Variants in PHC2 observed in about 807,000 individuals in gnomAD.
The protein encoded by PHC2 is polyhomeotic homolog 2.
Under a neutral mutation model 87.4 loss-of-function variants are expected in PHC2, and 29 were observed. The observed-to-expected ratio is 0.33, with a 90% CI of 0.25 to 0.45. The LOEUF (loss-of-function observed/expected upper bound fraction) is 0.45. Among genes scored for constraint, PHC2 ranks in the 20% least tolerant of loss-of-function variants. The pLI, the probability that PHC2 is intolerant of heterozygous loss-of-function variation, is 1.00. For missense variants in PHC2, 857 were observed against 1,136.7 expected (o/e 0.75, Z 3.54); for synonymous variants, 438 against 461.7 (o/e 0.95, Z 0.66).
At chr1:33,354,715 T>C (rs541203676) in intron 8 of PHC2, 123 bp downstream of exon 8, 2 of 1,340,716 alleles carry the variant, frequency 1.5e-6, no homozygotes, top group East Asian at 2.4e-5. Flanking sequence ...TCTTCCTTCT[T>C]GGAATCCCCA....
chr1:33,324,326 G>C lies in PHC2; in HGVS notation c.*539C>G, dbSNP rs895204067. ...CGTCTGTGCCAGCAGGCACGGCCCGGCTGGGCCCAGCTTCTCTCTCTCCAC... is the reference window on the plus strand; with the variant it reads ...CGTCTGTGCCAGCAGGCACGGCCCGCCTGGGCCCAGCTTCTCTCTCTCCAC... On this transcript the variant is annotated 3_prime_UTR_variant, in exon 15 of 15. Coordinates refer to ENST00000683057, the MANE Select transcript of PHC2 (RefSeq NM_001385109.1). 1 of 153,068 alleles carries C rather than the reference G, an allele frequency of 6.5e-6. No individual in the cohort carries two copies. Among genetic ancestry groups the C allele is most frequent in the Non-Finnish European group, 1.5e-5 (1 of 68,386 alleles). The allele number at this position is 153,068 out of a possible 1,614,324, so 9.5% of individuals were successfully genotyped here.
At chr1:33,419,290 G>C (rs944212771) in intron 1 of PHC2, among the ~76,000 whole-genome samples, 1 of 152,082 alleles carries the variant, frequency 6.6e-6, no homozygotes, top group African/African-American at 2.4e-5. Context: ...TCATTGTTTA[G>C]TCCCTTGTTG....
In PHC2 at chr1:33,382,262, A is replaced by G. The variant is rs1449370188; in HGVS notation, c.-54-6669T>C. 6.6e-6 allele frequency among the ~76,000 whole-genome samples: 1 copy of G among 152,106 alleles called. No individual in the cohort carries two copies. The highest frequency in any genetic ancestry group is 1.5e-5 in the Non-Finnish European group (1 of 68,012). On this transcript the variant is annotated intron_variant, in intron 1 of 14. Coordinates refer to ENST00000683057, the MANE Select transcript of PHC2 (RefSeq NM_001385109.1). This position sits in a 1 kb window ranked among gnomAD's most constrained non-coding sequence, Gnocchi z 4.3. ...CTCAAAGTTCTGGCTGCTGGAGAGT[A>G]GCGGAGGCATTCTGCAGTCTCAGTA...
chr1:33,342,925 G>A (rs1646772438), intron 9 of PHC2, among the ~76,000 whole-genome samples: 1 of 152,234 alleles, frequency 6.6e-6, no homozygotes, highest in East Asian at 1.9e-4. Context: ...AAGAATGGCA[G>A]AGTAGAAAGA....
In PHC2 at chr1:33,421,329, T is replaced by C. The variant is rs532466735; in HGVS notation, c.-55+9647A>G. Among the ~76,000 whole-genome samples the C allele has an allele frequency of 2.0e-5, 3 of 152,190 alleles. No homozygotes were observed. The South Asian group carries it at 6.2e-4, about 32-fold the overall frequency. ...GTAAAGGACAGGAAGTAGGGCAAAG[T>C]GTGTGACTAAGAGCGCTGACACACA... On this transcript the variant is annotated intron_variant, in intron 1 of 14. Transcript: ENST00000683057.
In PHC2 at chr1:33,367,395, G is replaced by T. The variant is rs1401840934; in HGVS notation, c.697C>A (p.Pro233Thr). ...GTGGGGCCCGAGGCTGCTGCCGCTGGTGTCTGCTGTGTTCGGAGGGTCAAG... is the reference window on the plus strand; with the variant it reads ...GTGGGGCCCGAGGCTGCTGCCGCTGTTGTCTGCTGTGTTCGGAGGGTCAAG... ...QNLTLRTQQT[P>T]AAAASGPTPT... Residue 233 changes from proline to threonine, a missense_variant, in exon 7 of 15, where the codon CCA (proline) becomes ACA (threonine). Pro to Thr is a conservative substitution (Grantham distance 38, BLOSUM62 -1). Around this residue, in one of 3 missense-constraint regions of PHC2, gnomAD observed 832 missense variants for 1,081.8 expected, o/e 0.77. Coordinates refer to ENST00000683057, the MANE Select transcript of PHC2 (RefSeq NM_001385109.1). The T allele has an allele frequency of 1.3e-6, 2 of 1,592,850 alleles. No homozygotes were observed. Among genetic ancestry groups the T allele is most frequent in the African/African-American group, 1.3e-5 (1 of 74,530 alleles).
intron 1 of PHC2, among the ~76,000 whole-genome samples, chr1:33,428,869 G>T (rs1650791861): frequency 6.6e-6 from 1 of 152,194 alleles, no homozygotes; most frequent in South Asian, 2.1e-4. Context: ...CCGCTGTTCT[G>T]CACAGCTGGC....
At chr1:33,339,565 C>T (rs776217587) in intron 9 of PHC2, among the ~76,000 whole-genome samples, 3 of 152,166 alleles carry the variant, frequency 2.0e-5, no homozygotes, top group Non-Finnish European at 4.4e-5. Flanking sequence ...AGGCACTTGG[C>T]AAGGCAGGAT....
At chr1:33,384,199 A>G (rs1034149737) in intron 1 of PHC2, among the ~76,000 whole-genome samples, 6 of 152,224 alleles carry the variant, frequency 3.9e-5, no homozygotes, top group African/African-American at 9.6e-5. Context: ...CAAAAATGCA[A>G]ATTTTCAGGC....
At chr1:33,367,790 G>C (rs1490006288) in intron 6 of PHC2, among the ~76,000 whole-genome samples, 1 of 152,176 alleles carries the variant, frequency 6.6e-6, no homozygotes, top group African/African-American at 2.4e-5. Flanking sequence ...TTCCCAGTGA[G>C]GGGGAGCATG....
Position 33,368,687 on chromosome 1 carries a change from G to T in PHC2, c.577-65C>A, listed in dbSNP as rs1337092973. ...TACCTGCACCAGGTTACCTGGCTGG[G>T]CCTGGAATCACAGGAAACGAGGCGC... On this transcript the variant is annotated intron_variant, in intron 5 of 14. Transcript: ENST00000683057. The surrounding 1 kb of genome is among the most constrained non-coding windows in gnomAD (Gnocchi z 6.6). 2 of 1,230,386 alleles carry T rather than the reference G, an allele frequency of 1.6e-6. No individual in the cohort carries two copies. Among genetic ancestry groups the T allele is most frequent in the East Asian group, 2.5e-5 (1 of 39,428 alleles). 76.2% of individuals were successfully genotyped at this position (1,230,386 alleles called of 1,614,324 possible). A position where few individuals can be genotyped will look rare whatever the true frequency, so the allele number is the denominator to read the frequency against.
intron 9 of PHC2, chr1:33,347,930 C>T (rs1036096313): frequency 6.5e-6 from 1 of 153,330 alleles, no homozygotes; most frequent in African/African-American, 2.4e-5. Flanking sequence ...CAGTGGAAAA[C>T]ACAGTTTATC....
chr1:33,416,339 G>A (rs1049983267), intron 1 of PHC2, among the ~76,000 whole-genome samples: 7 of 151,834 alleles, frequency 4.6e-5, no homozygotes, highest in South Asian at 4.2e-4. Context: ...AAGCTGAGGC[G>A]GGTGGATCAC....
At position 33,334,767 on chromosome 1, in the gene PHC2, G is replaced by A. The variant is rs543130246; in HGVS notation, c.1559-475C>T. On this transcript the variant is annotated intron_variant, in intron 9 of 14. Transcript: ENST00000683057. The surrounding 1 kb of genome is among the most constrained non-coding windows in gnomAD (Gnocchi z 5.5). Reference sequence around the variant, plus strand: ...CTTCTACGAGGTTCCTTAGAGGAGGGATTTTAAGAGCCCTGTGAAATGTCA... The same window carrying A: ...CTTCTACGAGGTTCCTTAGAGGAGGAATTTTAAGAGCCCTGTGAAATGTCA... Among the ~76,000 whole-genome samples, 11 of 152,332 alleles carry A rather than the reference G, an allele frequency of 7.2e-5. No individual in the cohort carries two copies. Among genetic ancestry groups the A allele is most frequent in the African/African-American group, 2.2e-4 (9 of 41,572 alleles).
At chr1:33,417,566 C>A (rs1255377163) in intron 1 of PHC2, among the ~76,000 whole-genome samples, 1 of 152,032 alleles carries the variant, frequency 6.6e-6, no homozygotes, top group African/African-American at 2.4e-5. Flanking sequence ...AGGGGCAGTT[C>A]ATCAAGAGAA....
At position 33,349,270 on chromosome 1, in the gene PHC2, G is replaced by C; in HGVS notation, c.1558+5131C>G. On this transcript the variant is annotated intron_variant, in intron 9 of 14. Coordinates refer to ENST00000683057, the MANE Select transcript of PHC2 (RefSeq NM_001385109.1). The surrounding 1 kb of genome is among the most constrained non-coding windows in gnomAD (Gnocchi z 4.2). The stretch of plus-strand genomic sequence containing the variant: ...AGTCTCGTCCCCGAACGCACCGTCC[G>C]TCCCAGGGAAGTCGCAGCGGCGGGG... 1.0e-6 allele frequency: 1 copy of C among 985,412 alleles called. No individual in the cohort carries two copies. Among genetic ancestry groups the C allele is most frequent in the Non-Finnish European group, 1.2e-6 (1 of 829,914 alleles). 61.0% of individuals were successfully genotyped at this position (985,412 alleles called of 1,614,324 possible).
At chr1:33,357,166 A>C (rs2148292447) in intron 7 of PHC2, among the ~76,000 whole-genome samples, 1 of 152,316 alleles carries the variant, frequency 6.6e-6, no homozygotes, top group Non-Finnish European at 1.5e-5. Flanking sequence ...AGTGCATGGC[A>C]GGCCACAGCT....
rs370818755 is a variant in PHC2, at chr1:33,347,208, T to G, written c.1558+7193A>C. 6.5e-5 allele frequency: 64 copies of G among 985,306 alleles called. No homozygotes were observed. The East Asian group carries it at 5.2e-3, about 80-fold the overall frequency. 61.0% of individuals were successfully genotyped at this position (985,306 alleles called of 1,614,324 possible). A position where few individuals can be genotyped will look rare whatever the true frequency, so the allele number is the denominator to read the frequency against. ...GGTGGCAGGAAGAGAAATCTCAGGGTCAGTCCGCTTAGACTAGAAAGTCAA... is the reference window on the plus strand; with the variant it reads ...GGTGGCAGGAAGAGAAATCTCAGGGGCAGTCCGCTTAGACTAGAAAGTCAA... On this transcript the variant is annotated intron_variant, in intron 9 of 14. Coordinates refer to ENST00000683057, the MANE Select transcript of PHC2 (RefSeq NM_001385109.1).
At chr1:33,346,523 A>AT (rs1276915640) in intron 9 of PHC2, 1 of 985,284 alleles carries the variant, frequency 1.0e-6, no homozygotes. Context: ...GAGATTAAAT[A>AT]TTGAACAGCT....
Sources: gnomAD v4.1 joint callset for allele counts (sites outside exome capture counted in the v4.1 genomes callset) on GRCh38, gnomAD v4.1.1 for gene constraint, gnomAD v4.1.1 regional missense constraint, Gnocchi (gnomAD v3.1) non-coding constraint, MANE v1.5 for transcripts, NCBI Gene and HGNC (gene_info 2026-07-23, HGNC 2026-07-21) for gene names.